The following SHANK2 variants were observed in gnomAD, a reference collection of about 807,000 sequenced individuals.
SHANK2 encodes SH3 and multiple ankyrin repeat domains protein 2.
Under a neutral mutation model 133.7 loss-of-function variants are expected in SHANK2, and 43 were observed. That is an observed-to-expected ratio of 0.32 (90% confidence interval 0.25 to 0.41). The LOEUF (loss-of-function observed/expected upper bound fraction) is 0.41. SHANK2 is among the 10% of genes least tolerant of loss of function. The probability of loss-of-function intolerance (pLI) is 1.00; values close to 1 mark genes in which losing one functional copy is unlikely to be tolerated. For synonymous variants in SHANK2, 1,017 were observed against 952.8 expected, an observed-to-expected ratio of 1.07 and a Z score of -1.24; for missense variants, 1,994 against 2,235.8, an observed-to-expected ratio of 0.89 and a Z score of 2.18.
chr11:70,760,136 TG>T (rs1946961343), intron 14 of SHANK2, among the ~76,000 whole-genome samples: 1 of 152,232 alleles, frequency 6.6e-6, no homozygotes, highest in Non-Finnish European at 1.5e-5. Flanking sequence ...CAGGTGAACA[TG>T]GGACGCATGT....
chr11:70,675,309 G>A (rs1318559336), intron 15 of SHANK2, among the ~76,000 whole-genome samples: 1 of 152,186 alleles, frequency 6.6e-6, no homozygotes, highest in East Asian at 1.9e-4. Context: ...CACACCAGGC[G>A]TTGTTCTAAG....
intron 13 of SHANK2, among the ~76,000 whole-genome samples, chr11:70,803,337 CCCAT>C (rs1948091422): frequency 4.1e-4 from 1 of 2,452 alleles, no homozygotes; most frequent in African/African-American, 1.2e-3. Context: ...CATCCATCTA[CCCAT>C]CCATCCATTT....
At position 70,496,373 on chromosome 11, in the gene SHANK2, G is replaced by A. The variant is rs559455959; in HGVS notation, c.2309-3908C>T. Among the ~76,000 whole-genome samples, 3 of 152,264 alleles carry A rather than the reference G, an allele frequency of 2.0e-5. No homozygotes were observed. In the South Asian group the frequency reaches 6.2e-4, roughly 32 times the overall value. ...CATTTCCATCCACTGCACACTGAGG[G>A]TCTGCTGCCCGGCCTCCCTGGGGCA... On this transcript the variant is annotated intron_variant, in intron 21 of 25. Coordinates refer to ENST00000601538, the MANE Select transcript of SHANK2 (RefSeq NM_012309.5).
At chr11:71,135,453 T>C (rs1426750743) in intron 3 of SHANK2, among the ~76,000 whole-genome samples, 1 of 150,622 alleles carries the variant, frequency 6.6e-6, no homozygotes, top group Non-Finnish European at 1.5e-5. Flanking sequence ...ACACTTCCAA[T>C]AGGTGTGTGC....
intron 14 of SHANK2, among the ~76,000 whole-genome samples, chr11:70,749,308 G>T (rs148835261): frequency 6.6e-6 from 1 of 152,226 alleles, no homozygotes; most frequent in Non-Finnish European, 1.5e-5. Context: ...CCCGAAGCAC[G>T]CATGTGTAGG....
chr11:70,507,621 C>T (rs559424781), intron 17 of SHANK2, among the ~76,000 whole-genome samples: 5 of 152,114 alleles, frequency 3.3e-5, no homozygotes, highest in African/African-American at 1.2e-4. Context: ...CGTCTGTCAC[C>T]ACTCCGCATT....
At chr11:70,523,532 C>G (rs1219062650) in intron 17 of SHANK2, among the ~76,000 whole-genome samples, 1 of 152,180 alleles carries the variant, frequency 6.6e-6, no homozygotes, top group Non-Finnish European at 1.5e-5. Flanking sequence ...CCCTGCTCTG[C>G]TGGGGAGGAT....
At chr11:71,215,759 T>A (rs1380120427) in intron 2 of SHANK2, among the ~76,000 whole-genome samples, 1 of 152,142 alleles carries the variant, frequency 6.6e-6, no homozygotes, top group Non-Finnish European at 1.5e-5. Flanking sequence ...AACACGATTA[T>A]TTAGCAAAAC....
intron 2 of SHANK2, among the ~76,000 whole-genome samples, chr11:71,174,126 G>A (rs1295728702): frequency 6.6e-6 from 1 of 152,204 alleles, no homozygotes; most frequent in African/African-American, 2.4e-5. Context: ...TGATATGTAC[G>A]CTTCAAGTCT....
At chr11:70,728,800 C>G (rs944232497) in intron 14 of SHANK2, among the ~76,000 whole-genome samples, 21 of 152,194 alleles carry the variant, frequency 1.4e-4, no homozygotes, top group Non-Finnish European at 4.4e-5. Flanking sequence ...CTACGCATGC[C>G]CTCTGATCAC....
At chr11:70,808,561 CAAAAAAA>C (rs57089863) in intron 12 of SHANK2, among the ~76,000 whole-genome samples, 5 of 93,182 alleles carry the variant, frequency 5.4e-5, no homozygotes, top group Admixed American at 1.3e-4. Context: ...CCTATTTCTA[CAAAAAAA>C]AAAAAAAAAA....
intron 17 of SHANK2, among the ~76,000 whole-genome samples, chr11:70,644,511 T>C (rs994319204): frequency 5.3e-5 from 8 of 152,296 alleles, no homozygotes; most frequent in African/African-American, 1.4e-4. Flanking sequence ...GATACCTCCA[T>C]GTGGGGTGGA....
At chr11:70,862,019 A>T (rs1169795657) in intron 11 of SHANK2, among the ~76,000 whole-genome samples, 1 of 151,182 alleles carries the variant, frequency 6.6e-6, no homozygotes, top group Admixed American at 6.6e-5. Flanking sequence ...CCTGGGAAGG[A>T]TCCTGTCGCA....
chr11:70,497,251 G>A (rs493600), intron 21 of SHANK2, among the ~76,000 whole-genome samples: 147,987 of 152,262 alleles, frequency 0.97, 72,070 homozygotes, highest in South Asian at 1. Flanking sequence ...CTTGTTTACC[G>A]GGATATGGAG....
chr11:70,905,086 T>G (rs1950079899), intron 10 of SHANK2, among the ~76,000 whole-genome samples: 1 of 151,720 alleles, frequency 6.6e-6, no homozygotes, highest in African/African-American at 2.4e-5. Context: ...TGGAGTGGGG[T>G]GGTGCCAGGA....
chr11:70,505,292 G>A (rs770576177), intron 17 of SHANK2, among the ~76,000 whole-genome samples: 17 of 152,148 alleles, frequency 1.1e-4, no homozygotes, highest in African/African-American at 1.7e-4. Flanking sequence ...GCTGAGGCCC[G>A]ATGCAGAGAT....
intron 17 of SHANK2, among the ~76,000 whole-genome samples, chr11:70,571,554 C>T (rs556686368): frequency 2.6e-5 from 4 of 152,300 alleles, no homozygotes; most frequent in Admixed American, 2.0e-4. Context: ...GCTGGCTGAG[C>T]TGGAGTGGTC....
chr11:71,113,470 C>T, intron 4 of SHANK2, 106 bp from the exon 5 acceptor site: 2 of 979,248 alleles, frequency 2.0e-6, no homozygotes, highest in South Asian at 2.8e-5. Flanking sequence ...AGACGGGGAA[C>T]CCCACAGCAA....
rs1478110812 is a variant in SHANK2, at chr11:70,820,652, T to C, written c.1205A>G (p.Asn402Ser). ...CGTGTTGGGGGGCCGCCGCCGGCGG[T>C]TGGAGTACGCCGGGGCCTCTCGGAA... ...VPFREAPAYS[N>S]RRRRPPNTLA... Residue 402 changes from asparagine to serine, a missense_variant, in exon 12 of 26, where the codon AAC (asparagine) becomes AGC (serine). By Grantham distance (46) the Asn-to-Ser change is conservative. Coordinates refer to ENST00000601538, the MANE Select transcript of SHANK2 (RefSeq NM_012309.5). 8.5e-6 allele frequency: 6 copies of C among 704,462 alleles called. No homozygotes were observed. The highest frequency in any genetic ancestry group is 5.3e-5 in the African/African-American group (3 of 56,804). The allele number at this position is 704,462 out of a possible 1,614,324, so 43.6% of individuals were successfully genotyped here.
Sources: allele counts gnomAD v4.1 joint callset (sites outside exome capture counted in the v4.1 genomes callset), GRCh38; gene constraint gnomAD v4.1.1; transcripts MANE v1.5; gene names NCBI Gene and HGNC (gene_info 2026-07-23, HGNC 2026-07-21).